The following ASCC3 variants were observed in gnomAD, a reference collection of about 807,000 sequenced individuals.
ASCC3 encodes ASC-1 complex subunit P200.
In ASCC3, 158 loss-of-function variants were observed where a neutral mutation model predicts 256.3. That is an observed-to-expected ratio of 0.62 (90% CI 0.54 to 0.70). The LOEUF is 0.70. Ranked by LOEUF, ASCC3 falls within the 30% of genes least tolerant of loss-of-function variation. The probability of loss-of-function intolerance (pLI) is 0.00; values close to 1 mark genes in which losing one functional copy is unlikely to be tolerated. For missense variants in ASCC3, 2,259 were observed against 2,626.0 expected (o/e 0.86, Z 3.05); for synonymous variants, 948 against 883.4 (o/e 1.07, Z -1.30).
chr6:100,661,889 T>G lies in ASCC3; in HGVS notation c.2620A>C (p.Ser874Arg). ...GIIITTHDKL[S>R]HYLTLLTQRN... ...TGAGTGAGCAAAGTGAGGTAATGGC[T>G]GAGTTTATCATGCGTTGTTATAATT... The change falls in exon 16 of 42, where the codon AGC (serine) becomes CGC (arginine). Residue 874 changes from serine (S) to arginine (R), a missense_variant. This residue lies in a region of ASCC3 where 1,839 missense variants were observed against 2,206.7 expected (regional missense o/e 0.83). Transcript: ENST00000369162. 1 of 1,613,486 alleles carries G rather than the reference T, an allele frequency of 6.2e-7. No homozygotes were observed. Among genetic ancestry groups the G allele is most frequent in the Non-Finnish European group, 8.5e-7 (1 of 1,179,530 alleles).
At chr6:100,710,023 C>A (rs899093433) in intron 13 of ASCC3, among the ~76,000 whole-genome samples, 1 of 152,136 alleles carries the variant, frequency 6.6e-6, no homozygotes, top group African/African-American at 2.4e-5. Context: ...GTATACTAAA[C>A]CTTACTTCTT....
At chr6:100,586,210 C>T (rs1372023831) in intron 36 of ASCC3, among the ~76,000 whole-genome samples, 1 of 152,206 alleles carries the variant, frequency 6.6e-6, no homozygotes, top group Non-Finnish European at 1.5e-5. Context: ...GGCAGGCAGG[C>T]CTCCTTGAGC....
chr6:100,532,378 GTATATA>G (rs1219461410), intron 37 of ASCC3, among the ~76,000 whole-genome samples: 1,336 of 68,986 alleles, frequency 0.019, 25 homozygotes, highest in South Asian at 0.031. Flanking sequence ...GTGTATGTGT[GTATATA>G]TATATATATA....
At chr6:100,876,130 G>A (rs764592474) in intron 1 of ASCC3, among the ~76,000 whole-genome samples, 1 of 152,134 alleles carries the variant, frequency 6.6e-6, no homozygotes, top group Non-Finnish European at 1.5e-5. Context: ...TAGGTCTAGA[G>A]AGACTTGGAT....
intron 36 of ASCC3, among the ~76,000 whole-genome samples, chr6:100,558,925 A>G (rs1460676703): frequency 6.6e-6 from 1 of 152,094 alleles, no homozygotes; most frequent in East Asian, 1.9e-4. Flanking sequence ...AATTCTACTT[A>G]GGGCTTTTAA....
At chr6:100,597,041 T>C (rs755724559) in intron 34 of ASCC3, among the ~76,000 whole-genome samples, 18 of 152,224 alleles carry the variant, frequency 1.2e-4, no homozygotes, top group Non-Finnish European at 2.4e-4. Flanking sequence ...CCTGAAATGC[T>C]GTTTTCTAGA....
chr6:100,799,336 C>CG, intron 7 of ASCC3, 95 bp downstream of exon 7: 1 of 1,356,700 alleles, frequency 7.4e-7, no homozygotes. Context: ...GCATAGTCAA[C>CG]TAGTGTTAGA....
intron 36 of ASCC3, among the ~76,000 whole-genome samples, chr6:100,587,094 G>A (rs1298295453): frequency 6.6e-6 from 1 of 152,096 alleles, no homozygotes; most frequent in African/African-American, 2.4e-5. Flanking sequence ...CAAAAGCAAT[G>A]ATAATGGAAA....
chr6:100,697,338 G>A (rs1162464485), intron 13 of ASCC3, among the ~76,000 whole-genome samples: 1 of 151,840 alleles, frequency 6.6e-6, no homozygotes, highest in Non-Finnish European at 1.5e-5. Context: ...TTAAAAAGGG[G>A]AATCAAAGAA....
chr6:100,560,983 T>C (rs1293757888), intron 36 of ASCC3, among the ~76,000 whole-genome samples: 1 of 152,010 alleles, frequency 6.6e-6, no homozygotes, highest in African/African-American at 2.4e-5. Context: ...TAGGGTGTGA[T>C]ATGAGGATAC....
intron 4 of ASCC3, among the ~76,000 whole-genome samples, chr6:100,811,269 A>G (rs913533199): frequency 6.6e-6 from 1 of 152,168 alleles, no homozygotes; most frequent in African/African-American, 2.4e-5. Flanking sequence ...GTTAACATTA[A>G]AGTGCTAAAT....
At chr6:100,523,882 A>C (rs1476800757) in intron 37 of ASCC3, among the ~76,000 whole-genome samples, 1 of 152,176 alleles carries the variant, frequency 6.6e-6, no homozygotes, top group African/African-American at 2.4e-5. Flanking sequence ...TTATTGTAAA[A>C]AGCTCTGAAC....
intron 4 of ASCC3, among the ~76,000 whole-genome samples, chr6:100,827,708 C>G (rs1771389483): frequency 6.6e-6 from 1 of 152,134 alleles, no homozygotes; most frequent in African/African-American, 2.4e-5. Flanking sequence ...CAAATGCTAA[C>G]AGGATACTAC....
At chr6:100,784,551 C>T (rs763173423) in intron 8 of ASCC3, among the ~76,000 whole-genome samples, 8 of 151,604 alleles carry the variant, frequency 5.3e-5, no homozygotes, top group South Asian at 2.1e-4. Context: ...CCATGAATCA[C>T]GGTAGATAAG....
chr6:100,826,209 G>A (rs547370417), intron 4 of ASCC3, among the ~76,000 whole-genome samples: 1 of 151,480 alleles, frequency 6.6e-6, no homozygotes, highest in South Asian at 2.1e-4. Flanking sequence ...TTGGCTCACC[G>A]CAACCTCTGC....
intron 16 of ASCC3, among the ~76,000 whole-genome samples, chr6:100,660,939 T>G (rs567178089): frequency 0.014 from 2,129 of 151,858 alleles, 41 homozygotes; most frequent in African/African-American, 0.049. Flanking sequence ...AGTAAGTGTG[T>G]TTTTCATTCT....
intron 30 of ASCC3, among the ~76,000 whole-genome samples, chr6:100,618,878 AC>A (rs1272626585): frequency 6.6e-6 from 1 of 152,212 alleles, no homozygotes; most frequent in African/African-American, 2.4e-5. Flanking sequence ...TCATGACGAT[AC>A]CCTGTATAAT....
At chr6:100,705,589 G>T (rs952573924) in intron 13 of ASCC3, among the ~76,000 whole-genome samples, 3 of 151,910 alleles carry the variant, frequency 2.0e-5, no homozygotes, top group East Asian at 1.9e-4. Context: ...AGAAATCCAA[G>T]ATACTGAACA....
chr6:100,861,545 G>A (rs184196450), intron 3 of ASCC3, among the ~76,000 whole-genome samples: 14 of 152,166 alleles, frequency 9.2e-5, no homozygotes, highest in Admixed American at 9.2e-4. Context: ...TACATTTCCA[G>A]TATCAGCATT....
Sources: gnomAD v4.1 joint callset for allele counts (sites outside exome capture counted in the v4.1 genomes callset) on GRCh38, gnomAD v4.1.1 for gene constraint, gnomAD v4.1.1 regional missense constraint, MANE v1.5 for transcripts, NCBI Gene and HGNC (gene_info 2026-07-23, HGNC 2026-07-21) for gene names.